Variants in PCDHA2 observed in about 807,000 individuals in gnomAD.
PCDHA2 encodes protocadherin alpha-2.
A neutral mutation model predicts 66.0 loss-of-function variants in PCDHA2; 58 were observed. The ratio of observed to expected loss-of-function variants is 0.88; its 90% confidence interval spans 0.71 to 1.09. The LOEUF (loss-of-function observed/expected upper bound fraction) is 1.09. PCDHA2 is among the 50% of genes least tolerant of loss of function. PCDHA2 has a pLI of 0.00. For synonymous variants in PCDHA2, 634 were observed against 554.0 expected, an observed-to-expected ratio of 1.14 and a Z score of -2.03; for missense variants, 1,267 against 1,242.3, an observed-to-expected ratio of 1.02 and a Z score of -0.30.
intron 1 of PCDHA2, chr5:140,829,370 G>T (rs1770253952): frequency 1.2e-6 from 2 of 1,614,088 alleles, no homozygotes; most frequent in African/African-American, 1.3e-5. Context: ...GGTGGTAACC[G>T]CGCGGGACGG....
At chr5:140,901,906 G>T (rs1275600408) in intron 1 of PCDHA2, among the ~76,000 whole-genome samples, 1 of 151,902 alleles carries the variant, frequency 6.6e-6, no homozygotes, top group Non-Finnish European at 1.5e-5. Context: ...TCATTGTGGA[G>T]ATCTTTCACT....
chr5:140,911,040 A>G (rs970284436), intron 1 of PCDHA2, among the ~76,000 whole-genome samples: 15 of 152,034 alleles, frequency 9.9e-5, no homozygotes, highest in Non-Finnish European at 2.2e-4. Context: ...CTAGAAGCAA[A>G]CAGGGGTGGT....
chr5:140,898,632 C>T (rs2066885282), intron 1 of PCDHA2, among the ~76,000 whole-genome samples: 1 of 152,158 alleles, frequency 6.6e-6, no homozygotes, highest in Non-Finnish European at 1.5e-5. Flanking sequence ...ATAATGCCTC[C>T]AGCTTTGTTC....
chr5:140,830,243 T>A (rs1770923485), intron 1 of PCDHA2: 2 of 1,613,790 alleles, frequency 1.2e-6, no homozygotes, highest in Admixed American at 1.7e-5. Flanking sequence ...GCTACTGCTG[T>A]ACACAGCGCT....
chr5:140,850,140 G>C (rs2150469344), intron 1 of PCDHA2: 2 of 1,595,708 alleles, frequency 1.3e-6, no homozygotes, highest in East Asian at 2.2e-5. Flanking sequence ...GGGCAGCAAC[G>C]TGACGCTGCA....
chr5:140,821,632 A>T, intron 1 of PCDHA2: 1 of 971,634 alleles, frequency 1.0e-6, no homozygotes, highest in Non-Finnish European at 1.5e-6. Context: ...TTAGACAGAA[A>T]GGAAAAGAAC....
chr5:140,917,942 A>G (rs781844380), intron 1 of PCDHA2, among the ~76,000 whole-genome samples: 5 of 152,048 alleles, frequency 3.3e-5, no homozygotes, highest in African/African-American at 4.8e-5. Flanking sequence ...TAATATTGGT[A>G]GTTTGATAGG....
Position 140,978,933 on chromosome 5 carries a change from CTT to C in PCDHA2, c.2389-14_2389-13del, listed in dbSNP as rs1179085898. On this transcript the variant is annotated splice_polypyrimidine_tract_variant and intron_variant, in intron 1 of 3. Coordinates refer to ENST00000526136, the MANE Select transcript of PCDHA2 (RefSeq NM_018905.3). The stretch of plus-strand genomic sequence containing the variant: ...TCTTGTCATTTTAACAGAAAACTCT[CTT>C]TGTGATTTTGCAGCCACGACAGCCC... 1.2e-6 allele frequency: 2 copies of C among 1,613,976 alleles called. No individual in the cohort carries two copies. The highest frequency in any genetic ancestry group is 2.7e-5 in the African/African-American group (2 of 74,920).
chr5:140,986,285 A>AGACT (rs1311762694), intron 3 of PCDHA2, among the ~76,000 whole-genome samples: 3 of 152,134 alleles, frequency 2.0e-5, no homozygotes, highest in Admixed American at 2.0e-4. Flanking sequence ...GCTTCCCTTG[A>AGACT]GACTGAGCAG....
At chr5:140,977,342 T>A (rs1554238451) in intron 1 of PCDHA2, among the ~76,000 whole-genome samples, 1 of 152,222 alleles carries the variant, frequency 6.6e-6, no homozygotes, top group South Asian at 2.1e-4. Context: ...GAGACGGTGA[T>A]GATGACTGAT....
At chr5:140,882,346 G>T (rs146510190) in intron 1 of PCDHA2, 36 of 1,614,194 alleles carry the variant, frequency 2.2e-5, no homozygotes, top group Non-Finnish European at 2.9e-5. Flanking sequence ...CCTGGGAGAC[G>T]GGTAGTGGCC....
intron 1 of PCDHA2, among the ~76,000 whole-genome samples, chr5:140,950,042 T>C (rs2153688283): frequency 6.6e-6 from 1 of 152,082 alleles, no homozygotes; most frequent in South Asian, 2.1e-4. Flanking sequence ...GTTACAACCA[T>C]ATAAGACTAT....
chr5:140,858,339 A>G, intron 1 of PCDHA2: 1 of 1,595,618 alleles, frequency 6.3e-7, no homozygotes, highest in African/African-American at 1.3e-5. Context: ...GGCCTGCCCA[A>G]GGCGGACCTC....
chr5:140,877,949 A>G (rs1554170233), intron 1 of PCDHA2: 1 of 1,348,792 alleles, frequency 7.4e-7, no homozygotes, highest in East Asian at 2.6e-5. Flanking sequence ...AAACTATCGA[A>G]TGTCTCATCT....
intron 1 of PCDHA2, chr5:140,882,849 T>A: frequency 1.2e-6 from 2 of 1,614,242 alleles, no homozygotes; most frequent in Non-Finnish European, 1.7e-6. Flanking sequence ...TCATTATCAC[T>A]TGTACTGAGG....
rs782392001 is a variant in PCDHA2 at position 140,857,340 on chromosome 5, C to G, written c.2388+59988C>G. 2.5e-6 allele frequency: 4 copies of G among 1,598,236 alleles called. No individual in the cohort carries two copies. The South Asian group carries it at 4.4e-5, about 18-fold the overall frequency. ...GTGGTGACCGCGCGGGACGGGGGCTCGCCTCCGCTGTGGGCCACGGCCAGC... is the reference window on the plus strand; with the variant it reads ...GTGGTGACCGCGCGGGACGGGGGCTGGCCTCCGCTGTGGGCCACGGCCAGC... On this transcript the variant is annotated intron_variant, in intron 1 of 3. Coordinates refer to ENST00000526136, the MANE Select transcript of PCDHA2 (RefSeq NM_018905.3).
Position 140,803,572 on chromosome 5 carries a change from A to C in PCDHA2, c.2388+6220A>C, listed in dbSNP as rs782466651. 9.3e-6 allele frequency: 15 copies of C among 1,614,230 alleles called. No individual in the cohort carries two copies. Among genetic ancestry groups the C allele is most frequent in the Non-Finnish European group, 1.3e-5 (15 of 1,180,038 alleles). ...GATAGAGAGGAGAAACAGGATGTGG[A>C]CGTTGATCTCTCAGCCAAAGTGAGT... On this transcript the variant is annotated intron_variant, in intron 1 of 3. Transcript: ENST00000526136.
chr5:140,930,591 CAT>C (rs1554207939), intron 1 of PCDHA2: 1 of 152,406 alleles, frequency 6.6e-6, no homozygotes, highest in African/African-American at 2.4e-5. Flanking sequence ...TTTGACTTCT[CAT>C]AGAAATCCTA....
At chr5:140,825,574 G>A (rs1447925811) in intron 1 of PCDHA2, 1 of 151,612 alleles carries the variant, frequency 6.6e-6, no homozygotes, top group Non-Finnish European at 1.5e-5. Flanking sequence ...ACAGGCATGT[G>A]CCCACACCTG....
Sources: gnomAD v4.1 joint callset for allele counts (sites outside exome capture counted in the v4.1 genomes callset) on GRCh38, gnomAD v4.1.1 for gene constraint, MANE v1.5 for transcripts, NCBI Gene and HGNC (gene_info 2026-07-23, HGNC 2026-07-21) for gene names.